The following LRRC37A2 variants were observed in gnomAD, a reference collection of about 807,000 sequenced individuals.
LRRC37A2 encodes leucine rich repeat containing 37 member A2.
A neutral mutation model predicts 68.8 loss-of-function variants in LRRC37A2; 9 were observed. The ratio of observed to expected loss-of-function variants is 0.13; its 90% confidence interval spans 0.08 to 0.23. The LOEUF is 0.23. LRRC37A2 is among the 10% of genes least tolerant of loss of function. The pLI is 1.00. For synonymous variants in LRRC37A2, 63 were observed against 367.6 expected (o/e 0.17, Z 9.48); for missense variants, 168 against 950.4 (o/e 0.18, Z 10.82).
chr17:46,534,416 T>C (rs369234167), intron 6 of LRRC37A2, among the ~76,000 whole-genome samples: 16,610 of 140,464 alleles, frequency 0.12, 1,843 homozygotes, highest in Middle Eastern at 0.19. Flanking sequence ...AGCATGCTGC[T>C]TTCAAGCATC....
the LRRC37A2 span, among the ~76,000 whole-genome samples, chr17:46,804,270 T>A: frequency 6.6e-6 from 1 of 152,036 alleles, no homozygotes; most frequent in African/African-American, 2.4e-5. Flanking sequence ...GTATTTTTAG[T>A]AGAGACGGGG....
At chr17:46,870,549 G>T in the LRRC37A2 span, among the ~76,000 whole-genome samples, 246 of 152,368 alleles carry the variant, frequency 1.6e-3, 1 homozygote, top group African/African-American at 5.8e-3. Context: ...GATAGCATCT[G>T]TCTCTGCTCG....
At chr17:46,974,727 C>T in the LRRC37A2 span, among the ~76,000 whole-genome samples, 3 of 92,010 alleles carry the variant, frequency 3.3e-5, no homozygotes, top group South Asian at 4.9e-4. Flanking sequence ...GAGCAAGACT[C>T]TCTCTCAAAA....
chr17:46,978,586 G>A, the LRRC37A2 span: 4 of 1,527,548 alleles, frequency 2.6e-6, no homozygotes, highest in Non-Finnish European at 3.5e-6. Context: ...CGGGGCGAGG[G>A]TCCGGGTCTC....
chr17:46,791,042 G>A, the LRRC37A2 span, among the ~76,000 whole-genome samples: 3 of 152,100 alleles, frequency 2.0e-5, no homozygotes, highest in African/African-American at 7.2e-5. Flanking sequence ...GCTGTGCAGT[G>A]GGGTGTATCT....
chr17:46,818,590 G>C, the LRRC37A2 span: 1 of 1,600,118 alleles, frequency 6.2e-7, no homozygotes, highest in South Asian at 1.1e-5. Context: ...GAGCAGGTGG[G>C]GCTCCATTAG....
the LRRC37A2 span, among the ~76,000 whole-genome samples, chr17:46,944,800 A>G: frequency 1.3e-5 from 2 of 152,050 alleles, no homozygotes; most frequent in Non-Finnish European, 2.9e-5. Flanking sequence ...GGGTTTCTCC[A>G]TGTTGGGCAG....
the LRRC37A2 span, among the ~76,000 whole-genome samples, chr17:46,722,351 A>G: frequency 2.0e-5 from 3 of 152,192 alleles, no homozygotes; most frequent in Non-Finnish European, 2.9e-5. Context: ...CTTTGGATCT[A>G]GAGCAAGCAC....
chr17:46,718,282 C>T, the LRRC37A2 span, among the ~76,000 whole-genome samples: 5,764 of 152,238 alleles, frequency 0.038, 377 homozygotes, highest in African/African-American at 0.13. Context: ...CGAGGGCACC[C>T]TGCCATACTG....
chr17:46,947,460 G>C, the LRRC37A2 span, among the ~76,000 whole-genome samples: 6 of 152,338 alleles, frequency 3.9e-5, no homozygotes, highest in African/African-American at 1.2e-4. Context: ...TTACGTTCAT[G>C]CTGCTGAGAT....
the LRRC37A2 span, among the ~76,000 whole-genome samples, chr17:46,799,403 C>T: frequency 6.6e-6 from 1 of 151,256 alleles, no homozygotes; most frequent in African/African-American, 2.4e-5. Flanking sequence ...ACCTGTAGAA[C>T]ATCTTTAATG....
At chr17:46,877,180 G>C in the LRRC37A2 span, 1 of 685,120 alleles carries the variant, frequency 1.5e-6, no homozygotes, top group Non-Finnish European at 1.8e-6. Context: ...GCTGAGATGG[G>C]TCAATCGGGT....
the LRRC37A2 span, among the ~76,000 whole-genome samples, chr17:46,754,862 T>C: frequency 6.7e-4 from 102 of 152,336 alleles, no homozygotes; most frequent in African/African-American, 2.3e-3. Flanking sequence ...AGCTACATGG[T>C]TGGTTATGTA....
chr17:46,755,502 C>T, the LRRC37A2 span: 32 of 821,608 alleles, frequency 3.9e-5, no homozygotes, highest in Middle Eastern at 6.7e-4. Flanking sequence ...GTTGTAGGTC[C>T]GAGAGACCAA....
At chr17:46,989,565 G>C in the LRRC37A2 span, among the ~76,000 whole-genome samples, 1 of 152,222 alleles carries the variant, frequency 6.6e-6, no homozygotes, top group African/African-American at 2.4e-5. Context: ...ACAGGGATGT[G>C]ACCCACGACA....
At chr17:46,720,958 C>T in the LRRC37A2 span, among the ~76,000 whole-genome samples, 1 of 151,004 alleles carries the variant, frequency 6.6e-6, no homozygotes, top group Admixed American at 6.6e-5. Flanking sequence ...CTTGTGTAGA[C>T]TCTGGAGCCC....
the LRRC37A2 span, among the ~76,000 whole-genome samples, chr17:46,990,989 G>C: frequency 1.3e-5 from 2 of 152,154 alleles, no homozygotes; most frequent in Admixed American, 6.5e-5. Flanking sequence ...CTTTTAAAAG[G>C]TTCAGGCCCT....
the LRRC37A2 span, among the ~76,000 whole-genome samples, chr17:46,585,219 G>A: frequency 6.7e-6 from 1 of 149,086 alleles, no homozygotes; most frequent in Admixed American, 6.7e-5. Context: ...TTGAGAGGCT[G>A]AAGCAGGAGA....
At chr17:47,006,343 G>A in the LRRC37A2 span, among the ~76,000 whole-genome samples, 54 of 152,148 alleles carry the variant, frequency 3.5e-4, no homozygotes, top group African/African-American at 1.3e-3. Context: ...CTGCAGGGCC[G>A]GGTGCAGTGG....
Sources: gnomAD v4.1 joint callset for allele counts (sites outside exome capture counted in the v4.1 genomes callset) on GRCh38, gnomAD v4.1.1 for gene constraint, MANE v1.5 for transcripts, NCBI Gene and HGNC (gene_info 2026-07-23, HGNC 2026-07-21) for gene names.